FAM53B: variants seen among roughly 807,000 people sequenced by gnomAD.
The protein encoded by FAM53B is protein FAM53B.
In FAM53B, 12 loss-of-function variants were observed where a neutral mutation model predicts 32.7. The observed-to-expected ratio is 0.37, with a 90% CI of 0.24 to 0.59. FAM53B has a LOEUF of 0.59. Among genes scored for constraint, FAM53B ranks in the 20% least tolerant of loss-of-function variants. The pLI, the probability that FAM53B is intolerant of heterozygous loss-of-function variation, is 0.72. For synonymous variants in FAM53B, 234 were observed against 228.7 expected (o/e 1.02, Z -0.21); for missense variants, 477 against 577.7 (o/e 0.83, Z 1.79).
At chr10:124,647,600 G>A (rs955977885) in intron 4 of FAM53B, among the ~76,000 whole-genome samples, 1 of 152,232 alleles carries the variant, frequency 6.6e-6, no homozygotes, top group Non-Finnish European at 1.5e-5. Flanking sequence ...TGTGGCAGCT[G>A]AGGCTCAGGG....
intron 3 of FAM53B, among the ~76,000 whole-genome samples, chr10:124,694,425 A>C (rs1184076871): frequency 6.6e-6 from 1 of 152,240 alleles, no homozygotes; most frequent in Non-Finnish European, 1.5e-5. Context: ...TCTGGGCCTC[A>C]AGACCTGGCC....
chr10:124,728,371 A>G (rs1296428231), intron 1 of FAM53B, among the ~76,000 whole-genome samples: 1 of 152,234 alleles, frequency 6.6e-6, no homozygotes, highest in East Asian at 1.9e-4. Flanking sequence ...AAACCGTGGC[A>G]TTATCTGAAG....
chr10:124,708,727 G>A (rs766438065), intron 1 of FAM53B, among the ~76,000 whole-genome samples: 2 of 152,228 alleles, frequency 1.3e-5, no homozygotes, highest in Non-Finnish European at 2.9e-5. Flanking sequence ...TCATGTTTCT[G>A]TGTGTGAGCC....
intron 1 of FAM53B, among the ~76,000 whole-genome samples, chr10:124,739,043 C>CAA (rs374990179): frequency 1.1e-4 from 12 of 107,700 alleles, no homozygotes; most frequent in Admixed American, 8.1e-4. Context: ...CTCCAAAAAA[C>CAA]AAAAAAAAAA....
At chr10:124,729,230 G>A (rs895888326) in intron 1 of FAM53B, among the ~76,000 whole-genome samples, 1 of 152,192 alleles carries the variant, frequency 6.6e-6, no homozygotes, top group Admixed American at 6.5e-5. Context: ...GCCTAATCTC[G>A]AATGATCTCA....
intron 1 of FAM53B, among the ~76,000 whole-genome samples, chr10:124,709,940 T>C (rs569532414): frequency 2.0e-5 from 3 of 152,104 alleles, no homozygotes; most frequent in African/African-American, 4.8e-5. Context: ...CGTCCAACCC[T>C]ATGTGAGGTT....
chr10:124,637,884 C>T (rs1949443730), intron 4 of FAM53B, among the ~76,000 whole-genome samples: 1 of 152,218 alleles, frequency 6.6e-6, no homozygotes, highest in South Asian at 2.1e-4. Flanking sequence ...ATCAAAGCCT[C>T]CATGGAGCCT....
At chr10:124,739,043 CAAA>C in intron 1 of FAM53B, among the ~76,000 whole-genome samples, 1 of 107,712 alleles carries the variant, frequency 9.3e-6, no homozygotes. Flanking sequence ...CTCCAAAAAA[CAAA>C]AAAAAAAAAA....
intron 2 of FAM53B, among the ~76,000 whole-genome samples, chr10:124,703,291 G>A (rs1233912728): frequency 6.6e-6 from 1 of 152,088 alleles, no homozygotes; most frequent in African/African-American, 2.4e-5. Context: ...CTCGTGATCC[G>A]CCCTCTTCAG....
chr10:124,723,927 G>A (rs1464972587), intron 1 of FAM53B, among the ~76,000 whole-genome samples: 1 of 152,254 alleles, frequency 6.6e-6, no homozygotes, highest in African/African-American at 2.4e-5. Context: ...TGTACTCCCT[G>A]TGTTGTGCTT....
In FAM53B at chr10:124,706,846, G is replaced by C; in HGVS notation, c.-133C>G. On this transcript the variant is annotated 5_prime_UTR_variant, in exon 2 of 5. Transcript: ENST00000337318. ...GCTCCCCATTGGCCACTCACCCTTG[G>C]GGTGGGGCCCTTCTGGGAAATGGCC... is the stretch of plus-strand genomic sequence containing the variant. 7 of 1,511,482 alleles carry C rather than the reference G, an allele frequency of 4.6e-6. No individual in the cohort carries two copies. The highest frequency in any genetic ancestry group is 6.2e-6 in the Non-Finnish European group (7 of 1,130,752). The allele number at this position is 1,511,482 out of a possible 1,614,324, so 93.6% of individuals were successfully genotyped here.
intron 3 of FAM53B, among the ~76,000 whole-genome samples, chr10:124,687,562 T>G (rs966755027): frequency 7.2e-5 from 11 of 152,190 alleles, no homozygotes; most frequent in Non-Finnish European, 1.6e-4. Context: ...TAGCTGAGGC[T>G]TGACTCAGCC....
intron 3 of FAM53B, among the ~76,000 whole-genome samples, chr10:124,685,965 G>A (rs1275593926): frequency 1.3e-5 from 2 of 151,976 alleles, no homozygotes; most frequent in African/African-American, 4.8e-5. Flanking sequence ...ACTGGCACCC[G>A]GGCCCATCTC....
intron 1 of FAM53B, among the ~76,000 whole-genome samples, chr10:124,727,955 GACAA>G (rs1373469599): frequency 1.3e-5 from 2 of 152,170 alleles, no homozygotes; most frequent in African/African-American, 4.8e-5. Flanking sequence ...CATCATATGA[GACAA>G]ACAAATCATG....
chr10:124,720,971 G>A (rs759049508), intron 1 of FAM53B, among the ~76,000 whole-genome samples: 12 of 152,180 alleles, frequency 7.9e-5, no homozygotes, highest in African/African-American at 1.7e-4. Context: ...AGGCCAAGAC[G>A]GGCGGATGGC....
intron 4 of FAM53B, among the ~76,000 whole-genome samples, chr10:124,627,733 C>T (rs1417085733): frequency 6.6e-6 from 1 of 152,188 alleles, no homozygotes; most frequent in African/African-American, 2.4e-5. Context: ...ACCCCCTAGA[C>T]CTCAGCTCTA....
intron 2 of FAM53B, 124 bp downstream of exon 2, chr10:124,706,512 C>G: frequency 8.0e-7 from 1 of 1,246,884 alleles, no homozygotes; most frequent in Non-Finnish European, 1.2e-6. Context: ...GGACGCCTCA[C>G]AGAGCTTTGC....
At chr10:124,728,657 G>C (rs1950122876) in intron 1 of FAM53B, among the ~76,000 whole-genome samples, 1 of 152,204 alleles carries the variant, frequency 6.6e-6, no homozygotes, top group Admixed American at 6.5e-5. Flanking sequence ...ATAGAAACAA[G>C]AGGGGAGTTT....
intron 4 of FAM53B, among the ~76,000 whole-genome samples, chr10:124,667,820 C>T (rs1429325272): frequency 6.6e-6 from 1 of 152,230 alleles, no homozygotes; most frequent in Non-Finnish European, 1.5e-5. Context: ...AGATCAAGAA[C>T]ACCATGCTGG....
Sources: gnomAD v4.1 joint callset for allele counts (sites outside exome capture counted in the v4.1 genomes callset) on GRCh38, gnomAD v4.1.1 for gene constraint, MANE v1.5 for transcripts, NCBI Gene and HGNC (gene_info 2026-07-23, HGNC 2026-07-21) for gene names.